Variants in SUZ12 observed in about 807,000 individuals in gnomAD.
The protein encoded by SUZ12 is polycomb protein SUZ12.
SUZ12 carries 17 observed loss-of-function variants against 87.3 expected under a neutral mutation model. That is an observed-to-expected ratio of 0.19 (90% CI 0.13 to 0.29). The LOEUF (loss-of-function observed/expected upper bound fraction) is 0.29. Ranked by LOEUF, SUZ12 falls within the 10% of genes least tolerant of loss-of-function variation. SUZ12 has a pLI of 1.00. For synonymous variants in SUZ12, 253 were observed against 312.4 expected, an observed-to-expected ratio of 0.81 and a Z score of 2.01; for missense variants, 526 against 912.2, an observed-to-expected ratio of 0.58 and a Z score of 5.45.
chr17:31,941,266 G>GT (rs1036286407), intron 3 of SUZ12, among the ~76,000 whole-genome samples: 55 of 149,364 alleles, frequency 3.7e-4, no homozygotes, highest in African/African-American at 1.1e-3. Context: ...TGTTTTTGGT[G>GT]TTTTTTTTGA....
intron 4 of SUZ12, among the ~76,000 whole-genome samples, chr17:31,959,893 T>C (rs1174711788): frequency 3.9e-5 from 6 of 152,214 alleles, no homozygotes. Flanking sequence ...TTCAAATTCT[T>C]TACCTGATTT....
At chr17:31,941,221 C>G (rs1353439501) in intron 3 of SUZ12, among the ~76,000 whole-genome samples, 1 of 150,564 alleles carries the variant, frequency 6.6e-6, no homozygotes, top group Admixed American at 6.6e-5. Context: ...CCTGCCTCAG[C>G]CTCCTTATTT....
Position 31,998,986 on chromosome 17 carries a change from A to G in SUZ12, c.2203A>G (p.Lys735Glu). The G allele has an allele frequency of 1.9e-6, 3 of 1,549,876 alleles. No homozygotes were observed. The highest frequency in any genetic ancestry group is 2.6e-6 in the Non-Finnish European group (3 of 1,155,132). Residue 735 changes from lysine (K) to glutamate (E), a missense_variant, in exon 16 of 16, where the codon AAA becomes GAA. Lys to Glu is a moderately conservative substitution (Grantham distance 56). Coordinates refer to ENST00000322652, the MANE Select transcript of SUZ12 (RefSeq NM_015355.4). ...DSVSGVSKQS[K>E]KQKL ...TGTCTCAGGGGTTTCAAAACAGAGC[A>G]AAAAACAAAAACTCTGAAAAGCTCT...
chr17:31,977,571 C>G (rs1908832551), intron 8 of SUZ12, among the ~76,000 whole-genome samples: 1 of 151,880 alleles, frequency 6.6e-6, no homozygotes, highest in Non-Finnish European at 1.5e-5. Flanking sequence ...AGCCACCATG[C>G]CTAGGCGAGA....
chr17:31,985,966 T>A (rs866380114), intron 9 of SUZ12, among the ~76,000 whole-genome samples: 1 of 146,070 alleles, frequency 6.8e-6, no homozygotes, highest in African/African-American at 2.6e-5. Flanking sequence ...CGGCCTGGCC[T>A]TTTTTTGTTT....
intron 4 of SUZ12, among the ~76,000 whole-genome samples, chr17:31,952,173 A>G (rs536204295): frequency 6.6e-6 from 1 of 151,856 alleles, no homozygotes; most frequent in Non-Finnish European, 1.5e-5. Flanking sequence ...CCATCCTCCC[A>G]TCTTAGCCTC....
chr17:31,993,435 T>C (rs1227119539), intron 11 of SUZ12, 102 bp downstream of exon 11: 9 of 841,344 alleles, frequency 1.1e-5, no homozygotes, highest in Non-Finnish European at 1.6e-5. Flanking sequence ...TTTATTTATT[T>C]ATTTGAGACA....
chr17:31,984,123 A>C (rs1054463241), intron 9 of SUZ12, among the ~76,000 whole-genome samples: 1 of 152,224 alleles, frequency 6.6e-6, no homozygotes, highest in Non-Finnish European at 1.5e-5. Flanking sequence ...TTTTAGTATG[A>C]TATACGATAT....
intron 9 of SUZ12, among the ~76,000 whole-genome samples, chr17:31,985,476 G>A (rs1414762173): frequency 6.6e-6 from 1 of 151,294 alleles, no homozygotes; most frequent in Non-Finnish European, 1.5e-5. Flanking sequence ...TTATAATAGT[G>A]GTTAACTCCA....
chr17:31,937,722 C>T (rs1216445869), intron 1 of SUZ12, among the ~76,000 whole-genome samples: 62 of 133,296 alleles, frequency 4.7e-4, no homozygotes, highest in African/African-American at 1.5e-3. Flanking sequence ...AAAGAGGGTC[C>T]GGGCGGGTTC....
In SUZ12 at chr17:31,973,105, T is replaced by C. The variant is rs774691793; in HGVS notation, c.506-41T>C. ...TAGCAAAATGAATACCTTGTTCATA[T>C]ATTTTTTAAATATATTTTAAAATAC... is the stretch of plus-strand genomic sequence containing the variant. On this transcript the variant is annotated intron_variant, in intron 5 of 15. Transcript: ENST00000322652. The C allele has an allele frequency of 1.3e-5, 19 of 1,503,462 alleles. No homozygotes were observed. The South Asian group carries it at 1.4e-4, about 11-fold the overall frequency. The allele number at this position is 1,503,462 out of a possible 1,614,324, so 93.1% of individuals were successfully genotyped here. A position where few individuals can be genotyped will look rare whatever the true frequency, so the allele number is the denominator to read the frequency against.
intron 3 of SUZ12, among the ~76,000 whole-genome samples, chr17:31,947,282 A>G (rs1395074605): frequency 6.6e-6 from 1 of 152,238 alleles, no homozygotes; most frequent in Non-Finnish European, 1.5e-5. Context: ...TAAAATATTT[A>G]CATGAGTTTT....
At chr17:31,958,377 T>C (rs183113108) in intron 4 of SUZ12, among the ~76,000 whole-genome samples, 605 of 152,324 alleles carry the variant, frequency 4.0e-3, no homozygotes, top group African/African-American at 0.014. Flanking sequence ...TAATGATTTT[T>C]CCCTACTTTT....
At chr17:31,945,371 T>C (rs1428182599) in intron 3 of SUZ12, among the ~76,000 whole-genome samples, 1 of 152,222 alleles carries the variant, frequency 6.6e-6, no homozygotes, top group Non-Finnish European at 1.5e-5. Flanking sequence ...TAAAGTCAGC[T>C]TGTGCTTTAC....
intron 4 of SUZ12, among the ~76,000 whole-genome samples, chr17:31,962,961 C>T (rs1184173491): frequency 1.3e-5 from 2 of 152,224 alleles, no homozygotes; most frequent in African/African-American, 2.4e-5. Flanking sequence ...GAATATTCCT[C>T]TTTCACTTAT....
intron 4 of SUZ12, among the ~76,000 whole-genome samples, chr17:31,956,920 C>T (rs1271049057): frequency 2.0e-5 from 3 of 152,036 alleles, no homozygotes; most frequent in East Asian, 3.9e-4. Context: ...GGATTATAGG[C>T]ATGTGCCACC....
intron 4 of SUZ12, among the ~76,000 whole-genome samples, chr17:31,951,049 G>A (rs1347936920): frequency 6.6e-6 from 1 of 152,084 alleles, no homozygotes; most frequent in Non-Finnish European, 1.5e-5. Flanking sequence ...CAAAGTGCTG[G>A]GATTACAGGC....
chr17:31,970,307 C>T (rs1908347879), intron 5 of SUZ12, among the ~76,000 whole-genome samples: 1 of 152,134 alleles, frequency 6.6e-6, no homozygotes, highest in Non-Finnish European at 1.5e-5. Context: ...CACACACACC[C>T]CCAATAAGAA....
At chr17:31,945,030 C>G (rs538015008) in intron 3 of SUZ12, among the ~76,000 whole-genome samples, 1 of 135,726 alleles carries the variant, frequency 7.4e-6, no homozygotes, top group East Asian at 2.2e-4. Context: ...CCGGTGCACT[C>G]TAGCCTGGGC....
Sources: gnomAD v4.1 joint callset for allele counts (sites outside exome capture counted in the v4.1 genomes callset) on GRCh38, gnomAD v4.1.1 for gene constraint, MANE v1.5 for transcripts, NCBI Gene and HGNC (gene_info 2026-07-23, HGNC 2026-07-21) for gene names.